Variants in GAS7 observed in about 807,000 individuals in gnomAD.
The protein encoded by GAS7 is growth arrest-specific protein 7.
In GAS7, 28 loss-of-function variants were observed where a neutral mutation model predicts 71.1. That is an observed-to-expected ratio of 0.39 (90% CI 0.29 to 0.54). The LOEUF is 0.54. Ranked by LOEUF, GAS7 falls within the 20% of genes least tolerant of loss-of-function variation. The pLI is 0.62. For missense variants in GAS7, 436 were observed against 627.8 expected, an observed-to-expected ratio of 0.69 and a Z score of 3.27; for synonymous variants, 258 against 245.8, an observed-to-expected ratio of 1.05 and a Z score of -0.46.
chr17:10,131,846 T>C (rs1048982513), intron 1 of GAS7, among the ~76,000 whole-genome samples: 1 of 152,148 alleles, frequency 6.6e-6, no homozygotes, highest in Non-Finnish European at 1.5e-5. Flanking sequence ...CTCATGAGTG[T>C]ATTAAAACAT....
chr17:10,148,622 A>G (rs1203069954), intron 1 of GAS7, among the ~76,000 whole-genome samples: 1 of 148,432 alleles, frequency 6.7e-6, no homozygotes, highest in Non-Finnish European at 1.5e-5. Flanking sequence ...AAGAAAAAAA[A>G]AAAAAAAGGC....
chr17:9,920,824 G>A (rs1244404157), intron 11 of GAS7, among the ~76,000 whole-genome samples: 1 of 152,232 alleles, frequency 6.6e-6, no homozygotes, highest in East Asian at 1.9e-4. Context: ...ATTTTCTCTA[G>A]TAATTCTAGA....
chr17:9,970,370 C>T (rs2152120651), intron 3 of GAS7, among the ~76,000 whole-genome samples: 1 of 152,318 alleles, frequency 6.6e-6, no homozygotes. Flanking sequence ...GGGCTCATGT[C>T]TGTAATCCCA....
intron 1 of GAS7, among the ~76,000 whole-genome samples, chr17:10,133,206 T>A (rs1350027296): frequency 6.6e-6 from 1 of 151,420 alleles, no homozygotes; most frequent in Non-Finnish European, 1.5e-5. Context: ...CACTGCAACC[T>A]CCACCTCCTG....
At chr17:10,174,773 G>C (rs12942733) in intron 1 of GAS7, among the ~76,000 whole-genome samples, 1 of 152,152 alleles carries the variant, frequency 6.6e-6, no homozygotes, top group Admixed American at 6.5e-5. Context: ...CCCAGGTTCA[G>C]ACAGAATTCT....
chr17:9,951,363 T>C (rs973512433), intron 5 of GAS7, among the ~76,000 whole-genome samples: 1 of 152,130 alleles, frequency 6.6e-6, no homozygotes, highest in Non-Finnish European at 1.5e-5. Context: ...GCTTCTGGAG[T>C]GGCCTGCCCT....
chr17:9,984,455 C>T (rs933983941), intron 2 of GAS7, among the ~76,000 whole-genome samples: 19 of 152,112 alleles, frequency 1.2e-4, no homozygotes, highest in African/African-American at 2.9e-4. Flanking sequence ...AAAGCAGAGA[C>T]GGTGTGAACA....
chr17:10,145,196 C>T (rs571766397), intron 1 of GAS7, among the ~76,000 whole-genome samples: 3 of 152,322 alleles, frequency 2.0e-5, no homozygotes, highest in South Asian at 2.1e-4. Flanking sequence ...CCAGCAGCAC[C>T]GGGGCAGGTA....
intron 1 of GAS7, among the ~76,000 whole-genome samples, chr17:10,111,552 C>CA (rs1194862636): frequency 4.4e-5 from 2 of 45,506 alleles, no homozygotes; most frequent in Non-Finnish European, 9.2e-5. Flanking sequence ...AACAAACAAA[C>CA]AAACAAAAAA....
intron 1 of GAS7, among the ~76,000 whole-genome samples, chr17:10,083,167 C>G (rs1016044201): frequency 1.3e-5 from 2 of 152,174 alleles, no homozygotes; most frequent in Non-Finnish European, 2.9e-5. Context: ...TTTAAAAATA[C>G]GAATGGCAGA....
chr17:9,913,264 T>C lies in GAS7; in HGVS notation c.*3964A>G, dbSNP rs2067488453. 4.3e-6 allele frequency: 1 copy of C among 232,332 alleles called. No individual in the cohort carries two copies. The highest frequency in any genetic ancestry group is 8.5e-6 in the Non-Finnish European group (1 of 117,474). The allele number at this position is 232,332 out of a possible 1,614,324, so 14.4% of individuals were successfully genotyped here. ...GGGATAAGACGATGTCCAGGCTACG[T>C]GGGGGGGCAGCTGATCTGTACCCCA... On this transcript the variant is annotated 3_prime_UTR_variant, in exon 14 of 14. Coordinates refer to ENST00000432992, the MANE Select transcript of GAS7 (RefSeq NM_201433.2).
intron 4 of GAS7, among the ~76,000 whole-genome samples, chr17:9,966,972 C>T (rs952520368): frequency 3.9e-5 from 6 of 152,186 alleles, no homozygotes; most frequent in Non-Finnish European, 7.3e-5. Context: ...GATCCTGGGA[C>T]TGGTGAACAA....
chr17:9,931,638 G>C (rs530015519), intron 9 of GAS7, among the ~76,000 whole-genome samples: 4 of 152,356 alleles, frequency 2.6e-5, no homozygotes, highest in African/African-American at 9.6e-5. Context: ...TGCAATGCAG[G>C]AAAAAGATCC....
At chr17:9,980,182 A>G (rs2070361782) in intron 3 of GAS7, among the ~76,000 whole-genome samples, 1 of 152,198 alleles carries the variant, frequency 6.6e-6, no homozygotes, top group Non-Finnish European at 1.5e-5. Context: ...TCTAGAGGTA[A>G]TATTTTCCCA....
intron 1 of GAS7, among the ~76,000 whole-genome samples, chr17:10,108,087 A>C (rs1199026769): frequency 6.6e-6 from 1 of 151,954 alleles, no homozygotes; most frequent in Non-Finnish European, 1.5e-5. Context: ...TGGGCAAGAG[A>C]ATCACTGTAC....
intron 1 of GAS7, among the ~76,000 whole-genome samples, chr17:10,127,252 G>A (rs527630550): frequency 2.6e-5 from 4 of 152,140 alleles, no homozygotes; most frequent in South Asian, 2.1e-4. Context: ...GTGCTTCCAC[G>A]AGCCCCTCCT....
chr17:9,951,875 TC>T (rs1199344665), intron 5 of GAS7, among the ~76,000 whole-genome samples: 1 of 151,194 alleles, frequency 6.6e-6, no homozygotes, highest in Non-Finnish European at 1.5e-5. Context: ...CCAGTCTTGT[TC>T]CCCCCAGAAT....
intron 1 of GAS7, among the ~76,000 whole-genome samples, chr17:10,172,075 T>C (rs1328789856): frequency 6.6e-6 from 1 of 152,182 alleles, no homozygotes; most frequent in African/African-American, 2.4e-5. Flanking sequence ...AGCATACACC[T>C]CCATCTGCTG....
At chr17:10,120,504 A>C (rs748406280) in intron 1 of GAS7, among the ~76,000 whole-genome samples, 1 of 152,194 alleles carries the variant, frequency 6.6e-6, no homozygotes, top group Non-Finnish European at 1.5e-5. Flanking sequence ...TGAGGTCAGG[A>C]GTTCGAGACC....
Sources: gnomAD v4.1 joint callset for allele counts (sites outside exome capture counted in the v4.1 genomes callset) on GRCh38, gnomAD v4.1.1 for gene constraint, MANE v1.5 for transcripts, NCBI Gene and HGNC (gene_info 2026-07-23, HGNC 2026-07-21) for gene names.